The following SYNE2 variants were observed in gnomAD, a reference collection of about 807,000 sequenced individuals.
SYNE2 encodes nesprin-2.
In SYNE2, 431 loss-of-function variants were observed where a neutral mutation model predicts 856.3. The observed-to-expected ratio is 0.50, with a 90% confidence interval of 0.47 to 0.55. The LOEUF (loss-of-function observed/expected upper bound fraction) is 0.55, where lower values mean the gene tolerates loss of function less well. Ranked by LOEUF, SYNE2 falls within the 20% of genes least tolerant of loss-of-function variation. The pLI, the probability that SYNE2 is intolerant of heterozygous loss-of-function variation, is 0.00. For missense variants in SYNE2, 8,129 were observed against 8,023.2 expected, an observed-to-expected ratio of 1.01 and a Z score of -0.50; for synonymous variants, 2,923 against 2,872.3, an observed-to-expected ratio of 1.02 and a Z score of -0.56.
chr14:64,223,417 CG>C, intron 113 of SYNE2, 37 bp downstream of exon 113: 1 of 1,607,432 alleles, frequency 6.2e-7, no homozygotes, highest in Non-Finnish European at 8.5e-7. Context: ...TAAAGATTGC[CG>C]TATTACATGC....
At chr14:63,987,159 G>A (rs1010836200) in intron 19 of SYNE2, among the ~76,000 whole-genome samples, 11 of 152,118 alleles carry the variant, frequency 7.2e-5, no homozygotes, top group African/African-American at 2.7e-4. Flanking sequence ...GGAGGCTGAG[G>A]CAGGAGAAAT....
chr14:63,832,886 A>AAAAAAAAG (rs1566596263), intron 1 of SYNE2, among the ~76,000 whole-genome samples: 1 of 148,970 alleles, frequency 6.7e-6, no homozygotes. Context: ...AAAAAAAAAA[A>AAAAAAAAG]AAAATTAGTC....
At position 63,802,892 on chromosome 14, in the gene SYNE2, C is replaced by G. The variant is rs188852071; in HGVS notation, c.-305+40906C>G. Among the ~76,000 whole-genome samples the G allele has an allele frequency of 1.5e-3, 231 of 152,274 alleles. 1 individual carries two copies. The highest frequency in any genetic ancestry group is 7.9e-4 in the Non-Finnish European group (54 of 68,036). Reference sequence around the variant, plus strand: ...GGTCTCCCTGGGCTCAGGAGTGAAACTGCAGATCTTCGCGGTGAGTGTTAC... The same window carrying G: ...GGTCTCCCTGGGCTCAGGAGTGAAAGTGCAGATCTTCGCGGTGAGTGTTAC... On this transcript the variant is annotated intron_variant, in intron 1 of 23. Coordinates refer to the SYNE2 transcript ENST00000674003.
Position 63,948,694 on chromosome 14 carries a change from A to G in SYNE2, c.409-1131A>G, listed in dbSNP as rs149038176. Among the ~76,000 whole-genome samples, 541 of 117,362 alleles carry G rather than the reference A, an allele frequency of 4.6e-3. 25 individuals are homozygous for G. Among genetic ancestry groups the G allele is most frequent in the African/African-American group, 0.017 (521 of 30,912 alleles). 77.0% of individuals were successfully genotyped at this position (117,362 alleles called of 152,430 possible). On this transcript the variant is annotated intron_variant, in intron 6 of 115. Coordinates refer to ENST00000555002, the MANE Select transcript of SYNE2 (RefSeq NM_182914.3). ...AAAAATTATATATATATGTGTGTAT[A>G]TATATATATATGTATATATATATGT...
Position 63,762,683 on chromosome 14 carries a change from G to A in SYNE2, c.-305+697G>A, listed in dbSNP as rs188354461. On this transcript the variant is annotated intron_variant, in intron 1 of 23. Transcript: ENST00000674003. ...ACTCCTGGGCTCAAACAATCCACCCGCCTTAGCTCCCAAAGTGCTGGGATT... is the reference window on the plus strand; with the variant it reads ...ACTCCTGGGCTCAAACAATCCACCCACCTTAGCTCCCAAAGTGCTGGGATT... 6.0e-5 allele frequency among the ~76,000 whole-genome samples: 9 copies of A among 149,552 alleles called. 1 individual carries two copies. In the South Asian group the frequency reaches 6.4e-4, roughly 11 times the overall value.
At chr14:63,836,340 T>C (rs35984502) in intron 1 of SYNE2, among the ~76,000 whole-genome samples, 9,478 of 152,220 alleles carry the variant, frequency 0.062, 323 homozygotes, top group Admixed American at 0.1. Context: ...TTAGAAGTTA[T>C]GTATTCTCAC....
At chr14:64,050,896 C>G (rs1262929624) in intron 47 of SYNE2, among the ~76,000 whole-genome samples, 1 of 151,782 alleles carries the variant, frequency 6.6e-6, no homozygotes, top group Non-Finnish European at 1.5e-5. Context: ...TGGCATACGT[C>G]TGTTATTCTA....
At chr14:63,960,348 T>C (rs566715649) in intron 8 of SYNE2, among the ~76,000 whole-genome samples, 1 of 152,224 alleles carries the variant, frequency 6.6e-6, no homozygotes, top group Non-Finnish European at 1.5e-5. Flanking sequence ...CTAGTAAATA[T>C]GTTCACTAAA....
chr14:64,074,048 T>G lies in SYNE2; in HGVS notation c.10778T>G (p.Ile3593Ser), dbSNP rs1171327137. Residue 3593 changes from isoleucine (I) to serine (S), a missense_variant, in exon 53 of 116, where the codon ATT (isoleucine) becomes AGT (serine). Coordinates refer to ENST00000555002, the MANE Select transcript of SYNE2 (RefSeq NM_182914.3). ...QERHSFTKEI[I>S]ALKNFFQQTT... Reference sequence around the variant, plus strand: ...AGACATTCCTTCACAAAAGAGATAATTGCTTTGAAGAATTTCTTTCAACAG... The same window carrying G: ...AGACATTCCTTCACAAAAGAGATAAGTGCTTTGAAGAATTTCTTTCAACAG... The G allele has an allele frequency of 6.2e-7, 1 of 1,614,174 alleles. No homozygotes were observed. Among genetic ancestry groups the G allele is most frequent in the South Asian group, 1.1e-5 (1 of 91,080 alleles).
At chr14:64,181,188 A>C (rs960401528) in intron 96 of SYNE2, among the ~76,000 whole-genome samples, 1 of 151,960 alleles carries the variant, frequency 6.6e-6, no homozygotes, top group Admixed American at 6.6e-5. Flanking sequence ...TCCATTGTTG[A>C]TTTTAGAAGA....
chr14:63,956,283 CAGAT>C lies in SYNE2; in HGVS notation c.787+1371_787+1374del, dbSNP rs147734978. ...GTTTCCATCATACAGATACAATAGA[CAGAT>C]AGCCTCAGGAGCATATAGTTAATAG... On this transcript the variant is annotated intron_variant, in intron 8 of 115. Coordinates refer to ENST00000555002, the MANE Select transcript of SYNE2 (RefSeq NM_182914.3). 1,758 of 397,598 alleles carry C rather than the reference CAGAT, an allele frequency of 4.4e-3. 30 individuals carry two copies. The highest frequency in any genetic ancestry group is 0.032 in the African/African-American group (1,572 of 48,464). The allele number at this position is 397,598 out of a possible 1,614,324, so 24.6% of individuals were successfully genotyped here.
In SYNE2 at chr14:64,134,275, G is replaced by T. The variant is rs977510271; in HGVS notation, c.14646+75G>T. 67 of 1,491,094 alleles carry T rather than the reference G, an allele frequency of 4.5e-5. 3 individuals carry two copies. The South Asian group carries it at 7.6e-4, about 17-fold the overall frequency. 92.4% of individuals were successfully genotyped at this position (1,491,094 alleles called of 1,614,324 possible). ...GTTTTACATTTGTTTTGACTAAGTG[G>T]CTTGATTTGGAAGGTTTGAATTGAA... On this transcript the variant is annotated intron_variant, in intron 78 of 115. Coordinates refer to ENST00000555002, the MANE Select transcript of SYNE2 (RefSeq NM_182914.3).
intron 82 of SYNE2, 130 bp downstream of exon 82, chr14:64,142,218 G>A: frequency 9.1e-7 from 1 of 1,093,352 alleles, no homozygotes; most frequent in Non-Finnish European, 1.4e-6. Context: ...AACTGGGGTG[G>A]TGGATGATTC....
chr14:63,796,567 CA>C (rs1887921741), intron 1 of SYNE2, among the ~76,000 whole-genome samples: 1 of 152,084 alleles, frequency 6.6e-6, no homozygotes, highest in Admixed American at 6.6e-5. Flanking sequence ...TAGTACAAAG[CA>C]TGGGAAGATA....
intron 97 of SYNE2, among the ~76,000 whole-genome samples, chr14:64,188,012 GC>G (rs1212496656): frequency 6.6e-6 from 1 of 152,156 alleles, no homozygotes; most frequent in African/African-American, 2.4e-5. Flanking sequence ...TGCATAACGG[GC>G]AAGTGGGTTA....
chr14:64,020,496 A>G (rs551514415), intron 35 of SYNE2, among the ~76,000 whole-genome samples: 1 of 152,332 alleles, frequency 6.6e-6, no homozygotes, highest in East Asian at 1.9e-4. Context: ...CAAATTTCTA[A>G]TAGTTGGTAT....
At chr14:63,968,372 TATCCAAGCTTG>T (rs2096425158) in intron 11 of SYNE2, among the ~76,000 whole-genome samples, 1 of 152,324 alleles carries the variant, frequency 6.6e-6, no homozygotes, top group East Asian at 1.9e-4. Flanking sequence ...AACGCAAGCT[TATCCAAGCTTG>T]ATATATTTGC....
intron 7 of SYNE2, among the ~76,000 whole-genome samples, chr14:63,953,173 G>T (rs1429122367): frequency 6.6e-6 from 1 of 152,242 alleles, no homozygotes; most frequent in Non-Finnish European, 1.5e-5. Flanking sequence ...GATAATTACA[G>T]TTGGCAAGCA....
At chr14:64,195,286 G>A (rs762929702) in intron 99 of SYNE2, among the ~76,000 whole-genome samples, 32 of 152,160 alleles carry the variant, frequency 2.1e-4, no homozygotes, top group Admixed American at 3.9e-4. Flanking sequence ...TTTTCTTTTT[G>A]CTTATCTGTA....
Sources: allele counts gnomAD v4.1 joint callset (sites outside exome capture counted in the v4.1 genomes callset), GRCh38; gene constraint gnomAD v4.1.1; transcripts MANE v1.5; gene names NCBI Gene and HGNC (gene_info 2026-07-23, HGNC 2026-07-21).